The following HMCES variants were observed in gnomAD, a reference collection of about 807,000 sequenced individuals.
HMCES encodes 5-hydroxymethylcytosine binding, ES cell specific, also known as abasic site processing protein HMCES.
In HMCES, 27 loss-of-function variants were observed where a neutral mutation model predicts 35.1. The observed-to-expected ratio is 0.77, with a 90% CI of 0.57 to 1.06. The LOEUF (loss-of-function observed/expected upper bound fraction) is 1.06. Among genes scored for constraint, HMCES ranks in the 50% least tolerant of loss-of-function variants. The pLI is 0.00. For missense variants in HMCES, 391 were observed against 430.4 expected, an observed-to-expected ratio of 0.91 and a Z score of 0.81; for synonymous variants, 130 against 154.7, an observed-to-expected ratio of 0.84 and a Z score of 1.18.
intron 2 of HMCES, 99 bp from the exon 3 acceptor site, chr3:129,288,755 T>C: frequency 1.0e-6 from 1 of 962,682 alleles, no homozygotes. Flanking sequence ...TCTTGAATTC[T>C]TTATATTTCA....
chr3:129,287,212 T>TTTTTG (rs150772466), intron 2 of HMCES, among the ~76,000 whole-genome samples: 10 of 150,996 alleles, frequency 6.6e-5, no homozygotes, highest in East Asian at 3.9e-4. Context: ...TTGTGGGGTT[T>TTTTTG]TTTTGTTTTG....
At chr3:129,281,088 G>A (rs550811522) in intron 2 of HMCES, among the ~76,000 whole-genome samples, 85 of 152,138 alleles carry the variant, frequency 5.6e-4, no homozygotes, top group African/African-American at 2.0e-3. Context: ...TGAGTATGGT[G>A]GCACGCACCT....
chr3:129,285,297 T>A (rs1004500913), intron 2 of HMCES, among the ~76,000 whole-genome samples: 1 of 152,184 alleles, frequency 6.6e-6, no homozygotes, highest in Non-Finnish European at 1.5e-5. Context: ...ATACTACAAT[T>A]TGAGTGCCTA....
intron 4 of HMCES, among the ~76,000 whole-genome samples, chr3:129,291,547 C>T (rs887691425): frequency 6.6e-6 from 1 of 152,192 alleles, no homozygotes; most frequent in Non-Finnish European, 1.5e-5. Flanking sequence ...CCATGTTTGG[C>T]ATGGATCAGC....
chr3:129,301,951 A>T lies in HMCES; in HGVS notation c.637A>T (p.Met213Leu). The change falls in exon 6 of 7, where the codon ATG becomes TTG. Residue 213 changes from methionine to leucine, a missense_variant and splice_region_variant. Coordinates refer to ENST00000383463, the MANE Select transcript of HMCES (RefSeq NM_020187.3). ...CKGLSDIHHR[M>L]PAILDGEEAV... ...CATTGTCTTAACTTCCCTGGCCAGG[A>T]TGCCTGCCATATTAGATGGAGAGGA... The T allele has an allele frequency of 6.2e-7, 1 of 1,611,828 alleles. No individual in the cohort carries two copies. Among genetic ancestry groups the T allele is most frequent in the Non-Finnish European group, 8.5e-7 (1 of 1,178,642 alleles).
At chr3:129,284,252 A>G (rs977177936) in intron 2 of HMCES, among the ~76,000 whole-genome samples, 4 of 152,186 alleles carry the variant, frequency 2.6e-5, no homozygotes, top group Non-Finnish European at 5.9e-5. Context: ...CACTGTTTAA[A>G]ATGATCCCAA....
At position 129,304,707 on chromosome 3, in the gene HMCES, G is replaced by C; in HGVS notation, c.947G>C (p.Ser316Thr). 1 of 1,614,182 alleles carries C rather than the reference G, an allele frequency of 6.2e-7. No individual in the cohort carries two copies. Among genetic ancestry groups the C allele is most frequent in the Non-Finnish European group, 8.5e-7 (1 of 1,180,034 alleles). Residue 316 changes from serine (S) to threonine (T), a missense_variant, in exon 7 of 7, where the codon AGT becomes ACT. By Grantham distance (58) the Ser-to-Thr change is moderately conservative. Coordinates refer to ENST00000383463, the MANE Select transcript of HMCES (RefSeq NM_020187.3). ...GAGTCAGATGTTCCCCAGTGGTCCA[G>C]TCAGTTCCTGCAGAAGAGTCCACTC... is the stretch of plus-strand genomic sequence containing the variant. ...KEESDVPQWS[S>T]QFLQKSPLPT...
intron 5 of HMCES, among the ~76,000 whole-genome samples, chr3:129,298,744 GTTAAGGAGACAACAC>G (rs1211678566): frequency 1.3e-5 from 2 of 152,138 alleles, no homozygotes; most frequent in Non-Finnish European, 2.9e-5. Flanking sequence ...GAAAAGTGGG[GTTAAGGAGACAACAC>G]TTAAAATGTT....
At chr3:129,290,206 A>G (rs1411768691) in intron 3 of HMCES, among the ~76,000 whole-genome samples, 3 of 151,646 alleles carry the variant, frequency 2.0e-5, no homozygotes, top group Non-Finnish European at 4.4e-5. Context: ...AAAAAAAAAA[A>G]AGAAAAGAGA....
At chr3:129,284,920 G>T (rs1940594439) in intron 2 of HMCES, among the ~76,000 whole-genome samples, 1 of 152,002 alleles carries the variant, frequency 6.6e-6, no homozygotes, top group South Asian at 2.1e-4. Flanking sequence ...TCAAGAAAAA[G>T]AGAATTAATG....
chr3:129,282,981 A>G (rs1940539708), intron 2 of HMCES, among the ~76,000 whole-genome samples: 1 of 152,230 alleles, frequency 6.6e-6, no homozygotes, highest in Non-Finnish European at 1.5e-5. Context: ...TTGTGAGAGC[A>G]GAATTCTCAA....
chr3:129,304,568 G>A (rs745652637), intron 6 of HMCES, 21 bp from the exon 7 acceptor site: 20 of 1,606,500 alleles, frequency 1.2e-5, no homozygotes, highest in Non-Finnish European at 1.6e-5. Flanking sequence ...TATGGTTTGA[G>A]CTTTTTCCTC....
chr3:129,301,222 A>T (rs906036827), intron 5 of HMCES, among the ~76,000 whole-genome samples: 14 of 151,278 alleles, frequency 9.3e-5, no homozygotes, highest in East Asian at 1.9e-4. Context: ...AAAAAAAAAA[A>T]ATATGCTTTC....
At chr3:129,304,513 C>T in intron 6 of HMCES, 76 bp from the exon 7 acceptor site, 1 of 1,231,230 alleles carries the variant, frequency 8.1e-7, no homozygotes, top group Non-Finnish European at 1.1e-6. Flanking sequence ...GCCTCTTCCC[C>T]TGTTTCTTCC....
At chr3:129,283,271 C>T (rs1051576737) in intron 2 of HMCES, among the ~76,000 whole-genome samples, 1 of 151,434 alleles carries the variant, frequency 6.6e-6, no homozygotes, top group South Asian at 2.1e-4. Context: ...TTTAGTTGAC[C>T]ATTGCGTAAT....
intron 2 of HMCES, among the ~76,000 whole-genome samples, chr3:129,281,926 C>CAA (rs553350109): frequency 3.2e-4 from 23 of 71,118 alleles, no homozygotes; most frequent in Middle Eastern, 6.8e-3. Flanking sequence ...GACTCAGTCT[C>CAA]AAAAAAAAAA....
rs553051089 is a variant in HMCES at position 129,304,962 on chromosome 3, C to CT, written c.*143dup. 1,090 of 701,158 alleles carry CT rather than the reference C, an allele frequency of 1.6e-3. 10 individuals are homozygous for CT. The highest frequency in any genetic ancestry group is 9.9e-3 in the South Asian group (534 of 53,932). 43.4% of individuals were successfully genotyped at this position (701,158 alleles called of 1,614,324 possible). ...GTTGACAGTTGTGGGCTCATGTAGT[C>CT]TTTTTTGCCATGAGTAGGAGCCCCT... is the stretch of plus-strand genomic sequence containing the variant. On this transcript the variant is annotated 3_prime_UTR_variant, in exon 7 of 7. Transcript: ENST00000383463.
intron 4 of HMCES, 85 bp downstream of exon 4, chr3:129,290,889 GTT>G: frequency 7.7e-7 from 1 of 1,306,852 alleles, no homozygotes; most frequent in Non-Finnish European, 1.1e-6. Flanking sequence ...CTTCCCCATA[GTT>G]TTATTTATTT....
Position 129,305,148 on chromosome 3 carries a change from G to T in HMCES, c.*323G>T. On this transcript the variant is annotated 3_prime_UTR_variant, in exon 7 of 7. Coordinates refer to ENST00000383463, the MANE Select transcript of HMCES (RefSeq NM_020187.3). ...GCTGGGAAGTCTCTGCCCTGATCTGGTACTCCTTGTAGTAAGCTGTTTTCT... is the reference window on the plus strand; with the variant it reads ...GCTGGGAAGTCTCTGCCCTGATCTGTTACTCCTTGTAGTAAGCTGTTTTCT... 3.1e-6 allele frequency: 1 copy of T among 323,030 alleles called. No homozygotes were observed. 20.0% of individuals were successfully genotyped at this position (323,030 alleles called of 1,614,324 possible).
Sources: gnomAD v4.1 joint callset for allele counts (sites outside exome capture counted in the v4.1 genomes callset) on GRCh38, gnomAD v4.1.1 for gene constraint, MANE v1.5 for transcripts, NCBI Gene and HGNC (gene_info 2026-07-23, HGNC 2026-07-21) for gene names.